TBL1XR1: variants seen among roughly 807,000 people sequenced by gnomAD.
TBL1XR1 encodes F-box-like/WD repeat-containing protein TBL1XR1.
TBL1XR1 carries 5 observed loss-of-function variants against 66.9 expected under a neutral mutation model. The observed-to-expected ratio is 0.07, with a 90% CI of 0.04 to 0.16. The LOEUF (loss-of-function observed/expected upper bound fraction) is 0.16, where lower values mean the gene tolerates loss of function less well. TBL1XR1 is among the 10% of genes least tolerant of loss of function. TBL1XR1 has a pLI of 1.00. For missense variants in TBL1XR1, 238 were observed against 623.2 expected, an observed-to-expected ratio of 0.38 and a Z score of 6.58; for synonymous variants, 210 against 206.0, an observed-to-expected ratio of 1.02 and a Z score of -0.17.
At chr3:177,099,374 A>G (rs1577161802) in intron 1 of TBL1XR1, 1 of 152,486 alleles carries the variant, frequency 6.6e-6, no homozygotes, top group East Asian at 1.9e-4. Context: ...TCTCAACAAC[A>G]ACAACAACAA....
intron 1 of TBL1XR1, among the ~76,000 whole-genome samples, chr3:177,145,626 G>A (rs1041115236): frequency 6.6e-6 from 1 of 152,202 alleles, no homozygotes. Flanking sequence ...CTTGAAAAGT[G>A]AAACACCCAG....
intron 1 of TBL1XR1, among the ~76,000 whole-genome samples, chr3:177,188,221 T>C (rs866728395): frequency 2.6e-5 from 4 of 151,204 alleles, no homozygotes; most frequent in African/African-American, 9.7e-5. Context: ...TCAGCCACCG[T>C]GCCCGGCCCA....
At chr3:177,131,963 TG>T in intron 1 of TBL1XR1, among the ~76,000 whole-genome samples, 1 of 150,702 alleles carries the variant, frequency 6.6e-6, no homozygotes, top group East Asian at 1.9e-4. Context: ...CCCAGAAGGC[TG>T]GAACTGTCCT....
At chr3:177,104,148 A>G (rs1231775593) in intron 1 of TBL1XR1, among the ~76,000 whole-genome samples, 6 of 152,064 alleles carry the variant, frequency 3.9e-5, no homozygotes, top group South Asian at 2.1e-4. Context: ...AGAGAAATAT[A>G]TAAGAATTCT....
intron 1 of TBL1XR1, chr3:177,136,195 T>G (rs573322702): frequency 1.3e-5 from 2 of 152,254 alleles, no homozygotes; most frequent in East Asian, 3.9e-4. Flanking sequence ...TATACACACA[T>G]GTATAAGGCA....
chr3:177,151,981 G>A (rs560462239), intron 1 of TBL1XR1, among the ~76,000 whole-genome samples: 39 of 152,236 alleles, frequency 2.6e-4, no homozygotes, highest in Middle Eastern at 3.4e-3. Context: ...CCAAGATAGC[G>A]CCATCGCACT....
intron 1 of TBL1XR1, among the ~76,000 whole-genome samples, chr3:177,130,126 C>A (rs1222456815): frequency 8.1e-6 from 1 of 123,982 alleles, no homozygotes; most frequent in Non-Finnish European, 1.6e-5. Context: ...GCCTGGGCGA[C>A]AGACTGAGAC....
intron 1 of TBL1XR1, among the ~76,000 whole-genome samples, chr3:177,109,969 A>G (rs1725356965): frequency 6.6e-6 from 1 of 152,208 alleles, no homozygotes; most frequent in African/African-American, 2.4e-5. Flanking sequence ...ACTGGAAGGC[A>G]TACCTAGAAC....
chr3:177,072,676 C>T (rs932937415), intron 2 of TBL1XR1, among the ~76,000 whole-genome samples: 1 of 152,170 alleles, frequency 6.6e-6, no homozygotes, highest in African/African-American at 2.4e-5. Flanking sequence ...GCAAGTTACA[C>T]TAGCCACTTT....
chr3:177,083,528 A>AAT (rs1029002627), intron 2 of TBL1XR1, among the ~76,000 whole-genome samples: 6 of 152,244 alleles, frequency 3.9e-5, no homozygotes, highest in African/African-American at 1.4e-4. Flanking sequence ...TGCCATAAAA[A>AAT]AACAACATAT....
chr3:177,187,705 G>A (rs1316023566), intron 1 of TBL1XR1, among the ~76,000 whole-genome samples: 6 of 151,854 alleles, frequency 4.0e-5, no homozygotes, highest in African/African-American at 7.3e-5. Flanking sequence ...ACAATGTCCC[G>A]CTCTCCACTG....
chr3:177,178,407 TAC>T (rs1734410386), intron 1 of TBL1XR1, among the ~76,000 whole-genome samples: 1 of 152,096 alleles, frequency 6.6e-6, no homozygotes, highest in South Asian at 2.1e-4. Context: ...AACTTGACTT[TAC>T]ACAGTCACAT....
At chr3:177,068,439 A>T (rs1246126601) in intron 2 of TBL1XR1, among the ~76,000 whole-genome samples, 1 of 152,246 alleles carries the variant, frequency 6.6e-6, no homozygotes, top group Non-Finnish European at 1.5e-5. Context: ...AGTTCGCTTA[A>T]TATTGTAAAT....
chr3:177,062,909 C>A (rs1165279162), intron 3 of TBL1XR1, among the ~76,000 whole-genome samples: 1 of 151,926 alleles, frequency 6.6e-6, no homozygotes, highest in East Asian at 1.9e-4. Flanking sequence ...CCAAGGCGGG[C>A]GGATCACCTA....
upstream of TBL1XR1, among the ~76,000 whole-genome samples, chr3:177,198,326 G>C (rs1486664064): frequency 3.3e-5 from 5 of 152,134 alleles, no homozygotes; most frequent in African/African-American, 1.2e-4. Flanking sequence ...CATCTGGTGG[G>C]TCTGTTTGAA....
At chr3:177,169,174 C>G (rs1290489449) in intron 1 of TBL1XR1, among the ~76,000 whole-genome samples, 1 of 152,156 alleles carries the variant, frequency 6.6e-6, no homozygotes. Context: ...GAATTTATCA[C>G]TTCGATATGT....
chr3:177,199,196 A>G (rs1737284645), upstream of TBL1XR1, among the ~76,000 whole-genome samples: 1 of 152,228 alleles, frequency 6.6e-6, no homozygotes, highest in Non-Finnish European at 1.5e-5. Context: ...GGATTAAACA[A>G]TGTCACCCGA....
intron 1 of TBL1XR1, among the ~76,000 whole-genome samples, chr3:177,121,868 T>A (rs7638794): frequency 6.6e-6 from 1 of 151,624 alleles, no homozygotes; most frequent in Non-Finnish European, 1.5e-5. Context: ...AAAAAATCCA[T>A]GAAACTTCCA....
chr3:177,143,274 C>T (rs556833525), intron 1 of TBL1XR1, among the ~76,000 whole-genome samples: 2 of 152,062 alleles, frequency 1.3e-5, no homozygotes, highest in South Asian at 4.2e-4. Context: ...GAACCTAACC[C>T]TGCATATTCC....
Sources: gnomAD v4.1 joint callset for allele counts (sites outside exome capture counted in the v4.1 genomes callset) on GRCh38, gnomAD v4.1.1 for gene constraint, MANE v1.5 for transcripts, NCBI Gene and HGNC (gene_info 2026-07-23, HGNC 2026-07-21) for gene names.